The following SEMA3C variants were observed in gnomAD, a reference collection of about 807,000 sequenced individuals.
The protein encoded by SEMA3C is semaphorin-3C.
SEMA3C carries 47 observed loss-of-function variants against 89.4 expected under a neutral mutation model. That is an observed-to-expected ratio of 0.53 (90% CI 0.42 to 0.67). The LOEUF (loss-of-function observed/expected upper bound fraction) is 0.67, where lower values mean the gene tolerates loss of function less well. SEMA3C is among the 30% of genes least tolerant of loss of function. The probability of loss-of-function intolerance (pLI) is 0.00; values close to 1 mark genes in which losing one functional copy is unlikely to be tolerated. For missense variants in SEMA3C, 839 were observed against 929.1 expected, an observed-to-expected ratio of 0.90 and a Z score of 1.26; for synonymous variants, 310 against 320.2, an observed-to-expected ratio of 0.97 and a Z score of 0.34.
At chr7:80,919,730 A>G (rs1792373605), upstream of SEMA3C, among the ~76,000 whole-genome samples, 1 of 151,938 alleles carries the variant, frequency 6.6e-6, no homozygotes, top group South Asian at 2.1e-4. Flanking sequence ...CTGGGACTAC[A>G]GGCTCCCACC....
At chr7:80,892,012 T>C (rs1366941028) in intron 2 of SEMA3C, among the ~76,000 whole-genome samples, 2 of 152,128 alleles carry the variant, frequency 1.3e-5, no homozygotes, top group African/African-American at 4.8e-5. Flanking sequence ...CCCCAAAAAA[T>C]CTGAAACAGT....
At chr7:80,891,708 T>C (rs1791618141) in intron 2 of SEMA3C, among the ~76,000 whole-genome samples, 2 of 152,148 alleles carry the variant, frequency 1.3e-5, no homozygotes. Context: ...TAACCCTTCC[T>C]GCTGAATTTA....
intron 2 of SEMA3C, among the ~76,000 whole-genome samples, chr7:80,878,973 C>G (rs17154577): frequency 0.038 from 5,746 of 152,130 alleles, 295 homozygotes; most frequent in East Asian, 0.21. Flanking sequence ...TGGCCCATGT[C>G]AAATGTTACA....
chr7:80,856,592 A>G (rs1790648075), intron 2 of SEMA3C, among the ~76,000 whole-genome samples: 1 of 151,936 alleles, frequency 6.6e-6, no homozygotes, highest in Non-Finnish European at 1.5e-5. Context: ...TGAAAAAAAA[A>G]AAAAATCCTT....
intron 2 of SEMA3C, among the ~76,000 whole-genome samples, chr7:80,851,209 A>G (rs923362250): frequency 5.9e-5 from 9 of 152,032 alleles, no homozygotes; most frequent in African/African-American, 2.2e-4. Context: ...CAATTTTGCC[A>G]TGTAAGATGA....
intron 6 of SEMA3C, among the ~76,000 whole-genome samples, chr7:80,808,791 A>G (rs1789400429): frequency 6.6e-6 from 1 of 152,122 alleles, no homozygotes. Flanking sequence ...ATGACAACTC[A>G]GAGACAGAGT....
chr7:80,915,816 T>C (rs763286226), intron 2 of SEMA3C: 1 of 151,452 alleles, frequency 6.6e-6, no homozygotes, highest in Non-Finnish European at 1.5e-5. Context: ...GAGAATATAT[T>C]GTTTATCAAA....
At chr7:80,898,518 T>C (rs1791795674) in intron 2 of SEMA3C, among the ~76,000 whole-genome samples, 1 of 152,092 alleles carries the variant, frequency 6.6e-6, no homozygotes. Context: ...TAAGAATTAT[T>C]GTATGTATAA....
rs188156948 is a variant in SEMA3C at position 80,810,596 on chromosome 7, T to C, written c.538+15A>G. On this transcript the variant is annotated intron_variant, in intron 6 of 17. Transcript: ENST00000265361. The stretch of plus-strand genomic sequence containing the variant: ...TATTTTATGTTTAATCCTCCCTCTT[T>C]CGTTGTCTACTTACTGATCATAACA... The C allele has an allele frequency of 8.4e-5, 134 of 1,604,602 alleles. No individual in the cohort carries two copies. The African/African-American group carries it at 1.5e-3, about 18-fold the overall frequency.
At chr7:80,798,471 T>G (rs913809077) in intron 10 of SEMA3C, among the ~76,000 whole-genome samples, 1 of 152,172 alleles carries the variant, frequency 6.6e-6, no homozygotes, top group Admixed American at 6.6e-5. Flanking sequence ...GTAAAGTCCT[T>G]TTCAATGTTT....
At chr7:80,751,244 A>ATT in intron 16 of SEMA3C, 25 bp downstream of exon 16, 1 of 1,589,542 alleles carries the variant, frequency 6.3e-7, no homozygotes, top group Non-Finnish European at 8.6e-7. Context: ...GTTCACTGAG[A>ATT]TTGGCCATTG....
intron 2 of SEMA3C, among the ~76,000 whole-genome samples, chr7:80,870,460 T>C (rs1018986150): frequency 6.6e-6 from 1 of 152,254 alleles, no homozygotes; most frequent in Non-Finnish European, 1.5e-5. Context: ...AATGACTTAA[T>C]TGGGGTCTCA....
chr7:80,778,229 C>T (rs1340065801), intron 12 of SEMA3C, among the ~76,000 whole-genome samples: 1 of 152,114 alleles, frequency 6.6e-6, no homozygotes, highest in East Asian at 1.9e-4. Context: ...AATTACATAT[C>T]ACATTTTAGT....
intron 2 of SEMA3C, among the ~76,000 whole-genome samples, chr7:80,906,372 C>T (rs1792016006): frequency 6.6e-6 from 1 of 152,174 alleles, no homozygotes; most frequent in Non-Finnish European, 1.5e-5. Flanking sequence ...GCTCATGGCA[C>T]TGAATTTCAT....
At chr7:80,873,725 G>A (rs193049369) in intron 2 of SEMA3C, among the ~76,000 whole-genome samples, 73 of 152,244 alleles carry the variant, frequency 4.8e-4, no homozygotes, top group Admixed American at 1.5e-3. Context: ...GTAGTGTTTC[G>A]TTTTTGATTT....
chr7:80,860,740 G>C (rs956925264), intron 2 of SEMA3C, among the ~76,000 whole-genome samples: 1 of 152,118 alleles, frequency 6.6e-6, no homozygotes, highest in African/African-American at 2.4e-5. Flanking sequence ...CAATCAAAAG[G>C]CATGAACAGC....
At chr7:80,782,523 G>C (rs1451073769) in intron 12 of SEMA3C, among the ~76,000 whole-genome samples, 2 of 152,134 alleles carry the variant, frequency 1.3e-5, no homozygotes, top group African/African-American at 4.8e-5. Flanking sequence ...AAAATGTAAA[G>C]TAGTTATGGT....
intron 17 of SEMA3C, among the ~76,000 whole-genome samples, chr7:80,747,687 G>T (rs1787832452): frequency 6.6e-6 from 1 of 152,082 alleles, no homozygotes; most frequent in Non-Finnish European, 1.5e-5. Context: ...TTACAGCAAA[G>T]AAAAGAGATC....
At chr7:80,911,337 A>C (rs1792143048) in intron 2 of SEMA3C, among the ~76,000 whole-genome samples, 1 of 152,174 alleles carries the variant, frequency 6.6e-6, no homozygotes, top group East Asian at 1.9e-4. Context: ...AATTGCCAAA[A>C]CTATTTTAGA....
Sources: gnomAD v4.1 joint callset for allele counts (sites outside exome capture counted in the v4.1 genomes callset) on GRCh38, gnomAD v4.1.1 for gene constraint, MANE v1.5 for transcripts, NCBI Gene and HGNC (gene_info 2026-07-23, HGNC 2026-07-21) for gene names.